The following PTPN12 variants were observed in gnomAD, a reference collection of about 807,000 sequenced individuals.
PTPN12 encodes tyrosine-protein phosphatase non-receptor type 12.
In PTPN12, 29 loss-of-function variants were observed where a neutral mutation model predicts 97.6. That is an observed-to-expected ratio of 0.30 (90% confidence interval 0.22 to 0.41). The LOEUF (loss-of-function observed/expected upper bound fraction) is 0.41. PTPN12 is among the 10% of genes least tolerant of loss of function. The probability of loss-of-function intolerance (pLI) is 1.00; values close to 1 mark genes in which losing one functional copy is unlikely to be tolerated. For missense variants in PTPN12, 819 were observed against 926.0 expected, an observed-to-expected ratio of 0.88 and a Z score of 1.50; for synonymous variants, 327 against 300.4, an observed-to-expected ratio of 1.09 and a Z score of -0.91.
chr7:77,607,975 G>A lies in PTPN12; in HGVS notation c.762+674G>A, dbSNP rs146624282. Among the ~76,000 whole-genome samples, 669 of 152,200 alleles carry A rather than the reference G, an allele frequency of 4.4e-3. 6 individuals are homozygous for A. Among genetic ancestry groups the A allele is most frequent in the African/African-American group, 0.014 (572 of 41,544 alleles). On this transcript the variant is annotated intron_variant, in intron 9 of 17. Coordinates refer to ENST00000248594, the MANE Select transcript of PTPN12 (RefSeq NM_002835.4). ...TCACCATGTTGGCCAGGCTGGTCTC[G>A]AACTTCTGACCTCAGGTGATCCACT...
At chr7:77,622,001 T>C (rs1562756398) in intron 12 of PTPN12, among the ~76,000 whole-genome samples, 1 of 152,238 alleles carries the variant, frequency 6.6e-6, no homozygotes, top group Non-Finnish European at 1.5e-5. Context: ...CTTGCTCTTT[T>C]GCGCAGGCTG....
At chr7:77,600,879 T>A in intron 8 of PTPN12, 73 bp downstream of exon 8, 2 of 1,277,356 alleles carry the variant, frequency 1.6e-6, no homozygotes, top group Non-Finnish European at 2.2e-6. Context: ...ATTTCTGCAT[T>A]AATATGTTAG....
chr7:77,616,902 C>A (rs1168504223), intron 11 of PTPN12, among the ~76,000 whole-genome samples: 1 of 152,118 alleles, frequency 6.6e-6, no homozygotes, highest in African/African-American at 2.4e-5. Flanking sequence ...CCTGCCTCAG[C>A]CTCCCAAGTA....
chr7:77,621,785 T>G (rs995057057), intron 12 of PTPN12, among the ~76,000 whole-genome samples: 7 of 152,230 alleles, frequency 4.6e-5, no homozygotes, highest in African/African-American at 1.7e-4. Flanking sequence ...ATAGTAGCTT[T>G]GTTTATACCA....
intron 1 of PTPN12, among the ~76,000 whole-genome samples, chr7:77,552,237 C>T (rs1807510486): frequency 6.6e-6 from 1 of 152,072 alleles, no homozygotes; most frequent in East Asian, 1.9e-4. Context: ...CTGCCTTAGC[C>T]TCCTAAGTAG....
chr7:77,542,550 G>A (rs1166491166), intron 1 of PTPN12, among the ~76,000 whole-genome samples: 1 of 152,194 alleles, frequency 6.6e-6, no homozygotes, highest in East Asian at 1.9e-4. Flanking sequence ...TGGGGAAATA[G>A]AGTGTATACA....
At chr7:77,634,844 T>C (rs1304419197) in intron 14 of PTPN12, among the ~76,000 whole-genome samples, 1 of 151,410 alleles carries the variant, frequency 6.6e-6, no homozygotes, top group Non-Finnish European at 1.5e-5. Flanking sequence ...CCCAAAGTGC[T>C]GGGATTACAG....
intron 6 of PTPN12, among the ~76,000 whole-genome samples, chr7:77,597,356 C>G (rs941365018): frequency 6.6e-6 from 1 of 152,164 alleles, no homozygotes; most frequent in Non-Finnish European, 1.5e-5. Flanking sequence ...CTCCTGACCT[C>G]AAGTGATCCA....
At chr7:77,560,969 A>G (rs1288362288) in intron 1 of PTPN12, among the ~76,000 whole-genome samples, 1 of 152,220 alleles carries the variant, frequency 6.6e-6, no homozygotes, top group Non-Finnish European at 1.5e-5. Context: ...TTGAGGAACC[A>G]CCGTACTGTT....
chr7:77,546,000 C>T (rs1011736501), intron 1 of PTPN12, among the ~76,000 whole-genome samples: 2 of 152,120 alleles, frequency 1.3e-5, no homozygotes, highest in African/African-American at 4.8e-5. Flanking sequence ...GGCACCATCT[C>T]AGCTCACTGC....
At chr7:77,623,989 A>G (rs1289171266) in intron 12 of PTPN12, among the ~76,000 whole-genome samples, 1 of 151,986 alleles carries the variant, frequency 6.6e-6, no homozygotes, top group East Asian at 1.9e-4. Context: ...GGCCAGGTAC[A>G]ATGCCTCACA....
chr7:77,578,599 T>A (rs2151327605), intron 2 of PTPN12, among the ~76,000 whole-genome samples: 1 of 152,302 alleles, frequency 6.6e-6, no homozygotes, highest in Non-Finnish European at 1.5e-5. Context: ...GTATAAAATT[T>A]GAGCCAATGA....
chr7:77,550,141 C>T (rs1807415965), intron 1 of PTPN12, among the ~76,000 whole-genome samples: 1 of 152,234 alleles, frequency 6.6e-6, no homozygotes, highest in South Asian at 2.1e-4. Context: ...CTTTGAAATT[C>T]TATTTGCCTA....
rs1482353979 is a variant in PTPN12 at position 77,637,872 on chromosome 7, A to AAAC, written c.2174-750_2174-749insCAA. On this transcript the variant is annotated intron_variant, in intron 16 of 17. Coordinates refer to ENST00000248594, the MANE Select transcript of PTPN12 (RefSeq NM_002835.4). ...AACTCCGTCTCAAAAAAAAAAAAAA[A>AAAC]AAAACAAGTAGAGTTATTATTTCAA... Among the ~76,000 whole-genome samples the AAAC allele has an allele frequency of 3.2e-4, 49 of 151,074 alleles. 3 individuals are homozygous for AAAC. In the East Asian group the frequency reaches 8.0e-3, roughly 25 times the overall value.
chr7:77,593,346 G>A (rs1787926142), intron 6 of PTPN12, among the ~76,000 whole-genome samples: 1 of 152,134 alleles, frequency 6.6e-6, no homozygotes, highest in Non-Finnish European at 1.5e-5. Flanking sequence ...ATAAGAGTGT[G>A]TGTGCATGCG....
intron 1 of PTPN12, among the ~76,000 whole-genome samples, chr7:77,564,381 G>T (rs1808136951): frequency 6.6e-6 from 1 of 152,060 alleles, no homozygotes; most frequent in Non-Finnish European, 1.5e-5. Context: ...CTATTAAGAT[G>T]GTGTGGTTTT....
rs1333559049 is a variant in PTPN12 at position 77,639,401 on chromosome 7, T to C, written c.*121T>C. 1 of 773,806 alleles carries C rather than the reference T, an allele frequency of 1.3e-6. No individual in the cohort carries two copies. Among genetic ancestry groups the C allele is most frequent in the East Asian group, 2.7e-5 (1 of 36,504 alleles). The allele number at this position is 773,806 out of a possible 1,614,324, so 47.9% of individuals were successfully genotyped here. Reference sequence around the variant, plus strand: ...ACAGCAGTGTAGATTGTTACCTTAATATTTTTTGCTGGGACCATCTACCTG... The same window carrying C: ...ACAGCAGTGTAGATTGTTACCTTAACATTTTTTGCTGGGACCATCTACCTG... On this transcript the variant is annotated 3_prime_UTR_variant, in exon 18 of 18. Transcript: ENST00000248594.
At chr7:77,628,584 C>G (rs1248982692) in intron 13 of PTPN12, among the ~76,000 whole-genome samples, 1 of 147,946 alleles carries the variant, frequency 6.8e-6, no homozygotes, top group Non-Finnish European at 1.5e-5. Flanking sequence ...TTGAGACTTG[C>G]ACTCAAAAGA....
chr7:77,597,946 G>T lies in PTPN12; in HGVS notation c.552+45G>T, dbSNP rs771855875. 5.6e-6 allele frequency: 9 copies of T among 1,596,848 alleles called. 1 individual carries two copies. In the South Asian group the frequency reaches 1.0e-4, roughly 18 times the overall value. On this transcript the variant is annotated intron_variant, in intron 7 of 17. Coordinates refer to ENST00000248594, the MANE Select transcript of PTPN12 (RefSeq NM_002835.4). Reference sequence around the variant, plus strand: ...AGACTATCTGTAAGAATAGTTTTCAGGCTGGGTGCAGTGGCTCATGCCTGT... The same window carrying T: ...AGACTATCTGTAAGAATAGTTTTCATGCTGGGTGCAGTGGCTCATGCCTGT...
Sources: allele counts gnomAD v4.1 joint callset (sites outside exome capture counted in the v4.1 genomes callset), GRCh38; gene constraint gnomAD v4.1.1; transcripts MANE v1.5; gene names NCBI Gene and HGNC (gene_info 2026-07-23, HGNC 2026-07-21).